Variants in ETFA observed in about 807,000 individuals in gnomAD.
ETFA encodes the protein electron transfer flavoprotein subunit alpha.
A neutral mutation model predicts 46.2 loss-of-function variants in ETFA; 22 were observed. The ratio of observed to expected loss-of-function variants is 0.48; its 90% CI spans 0.34 to 0.68. The LOEUF is 0.68. ETFA is among the 30% of genes least tolerant of loss of function. The pLI is 0.01. For missense variants in ETFA, 345 were observed against 401.1 expected (o/e 0.86, Z 1.19); for synonymous variants, 131 against 139.9 (o/e 0.94, Z 0.45).
chr15:76,295,936 CTTTTTTT>C lies in ETFA; in HGVS notation c.40-206_40-200del, dbSNP rs1157687784. On this transcript the variant is annotated intron_variant, in intron 1 of 11. Coordinates refer to ENST00000557943, the MANE Select transcript of ETFA (RefSeq NM_000126.4). The stretch of plus-strand genomic sequence containing the variant: ...TGTCTATCACTGTACCACTAATATT[CTTTTTTT>C]TTTTTTTTTTTTTTTTGAGATGGAG... 2.8e-4 allele frequency among the ~76,000 whole-genome samples: 13 copies of C among 46,602 alleles called. 1 individual carries two copies. The highest frequency in any genetic ancestry group is 2.0e-3 in the Admixed American group (5 of 2,476). 30.6% of individuals were successfully genotyped at this position (46,602 alleles called of 152,430 possible). A position where few individuals can be genotyped will look rare whatever the true frequency, so the allele number is the denominator to read the frequency against.
At chr15:76,260,766 G>T (rs2039402373) in intron 9 of ETFA, 1 of 1,604,016 alleles carries the variant, frequency 6.2e-7, no homozygotes, top group Non-Finnish European at 8.5e-7. Flanking sequence ...GGTCTGAAAG[G>T]GCACCCAGTC....
chr15:76,221,510 AAAAC>A (rs1393036124), intron 11 of ETFA, among the ~76,000 whole-genome samples: 4 of 152,228 alleles, frequency 2.6e-5, no homozygotes, highest in South Asian at 2.1e-4. Context: ...CTGTTATACT[AAAAC>A]AAACAAAAAA....
intron 9 of ETFA, among the ~76,000 whole-genome samples, chr15:76,250,017 C>T (rs2141481573): frequency 6.6e-6 from 1 of 152,194 alleles, no homozygotes; most frequent in Admixed American, 6.5e-5. Flanking sequence ...AAAACACTAA[C>T]ATACAAGTAA....
At chr15:76,275,286 C>G (rs2039580421) in intron 8 of ETFA, among the ~76,000 whole-genome samples, 2 of 152,092 alleles carry the variant, frequency 1.3e-5, no homozygotes, top group African/African-American at 4.8e-5. Flanking sequence ...ATCAGCGAAA[C>G]TTAAGTTATA....
intron 1 of ETFA, chr15:76,309,825 GA>G (rs1416378868): frequency 6.6e-6 from 1 of 152,158 alleles, no homozygotes; most frequent in Non-Finnish European, 1.5e-5. Flanking sequence ...CCAACCGGGA[GA>G]AAACATGTCC....
chr15:76,252,163 G>A (rs1363980139), intron 9 of ETFA, among the ~76,000 whole-genome samples: 1 of 152,044 alleles, frequency 6.6e-6, no homozygotes, highest in Non-Finnish European at 1.5e-5. Flanking sequence ...TTTTTATTAA[G>A]GTGACTTTAT....
chr15:76,311,226 G>A lies in ETFA; in HGVS notation c.39+124C>T, dbSNP rs879242666. 15 of 1,170,404 alleles carry A rather than the reference G, an allele frequency of 1.3e-5. No individual in the cohort carries two copies. In the South Asian group the frequency reaches 1.8e-4, roughly 14 times the overall value. 72.5% of individuals were successfully genotyped at this position (1,170,404 alleles called of 1,614,324 possible). ...AACTTTGGACCCAAGTCCCAGGCGG[G>A]GACCGGCCTGCGGGCGCGAGGGCTG... is the stretch of plus-strand genomic sequence containing the variant. On this transcript the variant is annotated intron_variant, in intron 1 of 11. Coordinates refer to ENST00000557943, the MANE Select transcript of ETFA (RefSeq NM_000126.4).
chr15:76,292,468 T>C lies in ETFA; in HGVS notation c.314A>G (p.Tyr105Cys), dbSNP rs1176787557. 2 of 1,613,852 alleles carry C rather than the reference T, an allele frequency of 1.2e-6. No individual in the cohort carries two copies. The highest frequency in any genetic ancestry group is 1.7e-6 in the Non-Finnish European group (2 of 1,179,800). ...LILATQKQFN[Y>C]THICAGASAF... ...AGATGCTCCAGCACAGATGTGTGTG[T>C]AATTGAACTGCTTCTGAGTTGCCAA... The change falls in exon 4 of 12, where the codon TAC (tyrosine) becomes TGC (cysteine). Residue 105 changes from tyrosine (Y) to cysteine (C), a missense_variant. Tyr to Cys is a radical substitution (Grantham distance 194). Coordinates refer to ENST00000557943, the MANE Select transcript of ETFA (RefSeq NM_000126.4).
chr15:76,278,886 T>C, intron 8 of ETFA, among the ~76,000 whole-genome samples: 1 of 152,164 alleles, frequency 6.6e-6, no homozygotes, highest in East Asian at 1.9e-4. Flanking sequence ...AGGGGAGAAT[T>C]ACTGAGGGAG....
chr15:76,259,366 T>A, intron 9 of ETFA: 1 of 1,582,480 alleles, frequency 6.3e-7, no homozygotes, highest in Non-Finnish European at 8.7e-7. Flanking sequence ...CACTGGTACA[T>A]GAGATCATAC....
At chr15:76,295,534 T>C in intron 2 of ETFA, 57 bp downstream of exon 2, 1 of 1,472,066 alleles carries the variant, frequency 6.8e-7, no homozygotes, top group Non-Finnish European at 9.5e-7. Flanking sequence ...GTTGCCATCT[T>C]TTCCTGTCTC....
chr15:76,304,900 G>T (rs762266618), intron 1 of ETFA, among the ~76,000 whole-genome samples: 1 of 151,644 alleles, frequency 6.6e-6, no homozygotes, highest in Non-Finnish European at 1.5e-5. Context: ...AAAATTAGCC[G>T]GGCGTGGTGG....
chr15:76,250,618 G>C (rs1335457867), intron 9 of ETFA, among the ~76,000 whole-genome samples: 3 of 151,884 alleles, frequency 2.0e-5, no homozygotes, highest in Non-Finnish European at 4.4e-5. Flanking sequence ...CTGCAGCCTT[G>C]ATCTCCCTGG....
chr15:76,245,268 T>C (rs1758523267), intron 9 of ETFA: 1 of 152,214 alleles, frequency 6.6e-6, no homozygotes. Context: ...AAAACATCAA[T>C]TGCTTTCAGC....
intron 11 of ETFA, among the ~76,000 whole-genome samples, chr15:76,217,212 A>G (rs906000364): frequency 1.3e-5 from 2 of 152,028 alleles, no homozygotes; most frequent in Admixed American, 6.6e-5. Context: ...AGTACTGTGT[A>G]TTTACCTTCA....
chr15:76,246,016 T>C (rs1262252565), intron 9 of ETFA, among the ~76,000 whole-genome samples: 1 of 152,226 alleles, frequency 6.6e-6, no homozygotes, highest in Non-Finnish European at 1.5e-5. Flanking sequence ...ATTCAATACC[T>C]GTTCATAATT....
intron 9 of ETFA, among the ~76,000 whole-genome samples, chr15:76,232,204 C>T (rs1309222467): frequency 6.6e-6 from 1 of 152,150 alleles, no homozygotes; most frequent in Admixed American, 6.6e-5. Context: ...TGTTCTGTCT[C>T]CTTATCTAAA....
chr15:76,272,250 C>T (rs1263534324), intron 9 of ETFA, among the ~76,000 whole-genome samples: 1 of 145,576 alleles, frequency 6.9e-6, no homozygotes, highest in Non-Finnish European at 1.5e-5. Flanking sequence ...GAGACAGTCT[C>T]GCTCTTGTCG....
intron 4 of ETFA, among the ~76,000 whole-genome samples, chr15:76,288,488 TGAG>T (rs1202064370): frequency 6.6e-6 from 1 of 152,092 alleles, no homozygotes; most frequent in Admixed American, 6.6e-5. Context: ...GAGGATCACC[TGAG>T]GCCAGGAGTT....
Sources: gnomAD v4.1 joint callset for allele counts (sites outside exome capture counted in the v4.1 genomes callset) on GRCh38, gnomAD v4.1.1 for gene constraint, MANE v1.5 for transcripts, NCBI Gene and HGNC (gene_info 2026-07-23, HGNC 2026-07-21) for gene names.